SUZ12: variants seen among roughly 807,000 people sequenced by gnomAD.
SUZ12 encodes the protein SUZ12 polycomb repressive complex 2 subunit, also known as polycomb protein SUZ12.
In SUZ12, 17 loss-of-function variants were observed where a neutral mutation model predicts 87.3. The ratio of observed to expected loss-of-function variants is 0.19; its 90% CI spans 0.13 to 0.29. SUZ12 has a LOEUF of 0.29. SUZ12 is among the 10% of genes least tolerant of loss of function. The pLI, the probability that SUZ12 is intolerant of heterozygous loss-of-function variation, is 1.00. For missense variants in SUZ12, 526 were observed against 912.2 expected (o/e 0.58, Z 5.45); for synonymous variants, 253 against 312.4 (o/e 0.81, Z 2.01).
intron 8 of SUZ12, among the ~76,000 whole-genome samples, chr17:31,981,137 A>G (rs1390690090): frequency 2.0e-5 from 3 of 152,246 alleles, no homozygotes; most frequent in Non-Finnish European, 2.9e-5. Flanking sequence ...AAACTTCTTC[A>G]GAAAACAAAA....
chr17:31,982,163 T>G (rs577303026), intron 8 of SUZ12, among the ~76,000 whole-genome samples: 1 of 152,218 alleles, frequency 6.6e-6, no homozygotes, highest in African/African-American at 2.4e-5. Flanking sequence ...TAGTATTCCA[T>G]GAAGTGTTTA....
intron 5 of SUZ12, among the ~76,000 whole-genome samples, chr17:31,972,383 G>GTATATATA (rs71142099): frequency 2.5e-3 from 355 of 144,684 alleles, no homozygotes; most frequent in African/African-American, 8.5e-3. Context: ...GTTTGTGTGT[G>GTATATATA]TATATATATA....
chr17:31,992,535 G>A (rs1394783095), intron 10 of SUZ12, among the ~76,000 whole-genome samples: 1 of 151,698 alleles, frequency 6.6e-6, no homozygotes, highest in Non-Finnish European at 1.5e-5. Flanking sequence ...TCAGCCTCCC[G>A]AGTAGCTGGG....
chr17:31,963,409 C>T (rs1284760508), intron 4 of SUZ12, among the ~76,000 whole-genome samples: 2 of 152,144 alleles, frequency 1.3e-5, no homozygotes, highest in African/African-American at 2.4e-5. Flanking sequence ...CCCATCCCGC[C>T]TCATCTCCCA....
Position 31,994,548 on chromosome 17 carries a change from T to TTG in SUZ12, c.1438-16_1438-15insTG. 6.4e-7 allele frequency: 1 copy of TTG among 1,563,280 alleles called. No homozygotes were observed. Among genetic ancestry groups the TTG allele is most frequent in the Non-Finnish European group, 8.6e-7 (1 of 1,157,076 alleles). On this transcript the variant is annotated splice_polypyrimidine_tract_variant and intron_variant, in intron 12 of 15. Transcript: ENST00000322652. ...AGGATACTTAATATATTTTTTTTTT[T>TTG]ACATTTTTGTTGCAGTATCATCCAA... is the stretch of plus-strand genomic sequence containing the variant.
At chr17:31,969,271 G>C (rs1288031175) in intron 5 of SUZ12, among the ~76,000 whole-genome samples, 1 of 152,002 alleles carries the variant, frequency 6.6e-6, no homozygotes, top group Non-Finnish European at 1.5e-5. Context: ...CAGCCTCCCA[G>C]AGTAGCTGGT....
intron 4 of SUZ12, among the ~76,000 whole-genome samples, chr17:31,958,866 A>AC (rs886503763): frequency 1.8e-4 from 28 of 151,972 alleles, no homozygotes; most frequent in Admixed American, 3.3e-4. Context: ...AATAAATAAA[A>AC]CATTAGCTGG....
At chr17:31,979,382 C>A (rs1277159498) in intron 8 of SUZ12, among the ~76,000 whole-genome samples, 2 of 152,080 alleles carry the variant, frequency 1.3e-5, no homozygotes, top group Non-Finnish European at 2.9e-5. Flanking sequence ...AATACAAATA[C>A]AATACTATCT....
At chr17:31,981,319 AT>A in intron 8 of SUZ12, among the ~76,000 whole-genome samples, 1 of 152,202 alleles carries the variant, frequency 6.6e-6, no homozygotes. Flanking sequence ...ACCAAAATAG[AT>A]ACATATGGTT....
intron 8 of SUZ12, 52 bp downstream of exon 8, chr17:31,976,666 T>C: frequency 7.7e-7 from 1 of 1,295,770 alleles, no homozygotes. Flanking sequence ...AATGTTTTCA[T>C]TCTGAAGCAG....
intron 4 of SUZ12, among the ~76,000 whole-genome samples, chr17:31,954,635 GAA>G (rs1331362092): frequency 6.6e-6 from 1 of 152,064 alleles, no homozygotes; most frequent in Non-Finnish European, 1.5e-5. Context: ...TGCTGGGAAA[GAA>G]AAGCATAAGA....
chr17:31,978,596 A>G (rs1174199441), intron 8 of SUZ12, among the ~76,000 whole-genome samples: 1 of 145,018 alleles, frequency 6.9e-6, no homozygotes, highest in Non-Finnish European at 1.5e-5. Context: ...AATAGTGGTC[A>G]TGTCTGTGGG....
At chr17:31,997,591 G>A (rs1166295346) in intron 15 of SUZ12, among the ~76,000 whole-genome samples, 5 of 149,642 alleles carry the variant, frequency 3.3e-5, no homozygotes, top group East Asian at 1.9e-4. Context: ...TGAAGAACCC[G>A]GGAAATGGAA....
At chr17:31,952,100 C>T (rs1176579359) in intron 4 of SUZ12, among the ~76,000 whole-genome samples, 1 of 152,082 alleles carries the variant, frequency 6.6e-6, no homozygotes, top group Non-Finnish European at 1.5e-5. Context: ...CAGGGTCTTG[C>T]TCTGTTGCCC....
At chr17:31,988,593 T>G in intron 10 of SUZ12, 96 bp downstream of exon 10, 3 of 1,272,990 alleles carry the variant, frequency 2.4e-6, no homozygotes, top group South Asian at 1.7e-5. Flanking sequence ...TTTATGTGAT[T>G]CTTCTTTTTT....
intron 1 of SUZ12, among the ~76,000 whole-genome samples, chr17:31,938,421 G>T (rs1357212553): frequency 6.6e-6 from 1 of 152,110 alleles, no homozygotes; most frequent in Admixed American, 6.6e-5. Flanking sequence ...CTTATTTACA[G>T]TTTCACTGTG....
chr17:31,987,512 A>C (rs1316211331), intron 9 of SUZ12, among the ~76,000 whole-genome samples: 2 of 152,226 alleles, frequency 1.3e-5, no homozygotes. Context: ...TTGTCAGTGA[A>C]ACTGAGAGAA....
chr17:31,950,515 C>T (rs563192723), intron 4 of SUZ12, among the ~76,000 whole-genome samples: 5 of 152,064 alleles, frequency 3.3e-5, no homozygotes, highest in African/African-American at 9.6e-5. Context: ...AAAACCCTTT[C>T]TCTACAAAAA....
chr17:31,950,273 AG>A (rs1906885967), intron 4 of SUZ12, among the ~76,000 whole-genome samples: 2 of 152,204 alleles, frequency 1.3e-5, no homozygotes, highest in African/African-American at 4.8e-5. Context: ...TTTCAAATTA[AG>A]GTAATCTTAT....
Sources: gnomAD v4.1 joint callset for allele counts (sites outside exome capture counted in the v4.1 genomes callset) on GRCh38, gnomAD v4.1.1 for gene constraint, MANE v1.5 for transcripts, NCBI Gene and HGNC (gene_info 2026-07-23, HGNC 2026-07-21) for gene names.